CCL22: variants seen among roughly 807,000 people sequenced by gnomAD.
CCL22 encodes the protein C-C motif chemokine 22.
A neutral mutation model predicts 7.6 loss-of-function variants in CCL22; 7 were observed. The ratio of observed to expected loss-of-function variants is 0.92; its 90% CI spans 0.52 to 1.72. The LOEUF (loss-of-function observed/expected upper bound fraction) is 1.72, where lower values mean the gene tolerates loss of function less well. Among genes scored for constraint, CCL22 ranks in the 40% most tolerant of loss-of-function variants. The probability of loss-of-function intolerance (pLI) is 0.00; values close to 1 mark genes in which losing one functional copy is unlikely to be tolerated. For synonymous variants in CCL22, 55 were observed against 47.2 expected (o/e 1.17, Z -0.68); for missense variants, 115 against 124.7 (o/e 0.92, Z 0.37).
In CCL22 at chr16:57,364,762, A is replaced by C. The variant is rs1214526629; in HGVS notation, c.*1174A>C. On this transcript the variant is annotated 3_prime_UTR_variant, in exon 3 of 3. Transcript: ENST00000219235. The stretch of plus-strand genomic sequence containing the variant: ...CCAAAGTGCTGGGATTACAGGCGTG[A>C]GCCACAGTGCCTGGCCTCTTCCCTC... 2.0e-5 allele frequency: 3 copies of C among 148,096 alleles called. No individual in the cohort carries two copies. Among genetic ancestry groups the C allele is most frequent in the Non-Finnish European group, 4.4e-5 (3 of 67,648 alleles). 9.2% of individuals were successfully genotyped at this position (148,096 alleles called of 1,614,324 possible). A position where few individuals can be genotyped will look rare whatever the true frequency, so the allele number is the denominator to read the frequency against.
intron 1 of CCL22, 86 bp from the exon 2 acceptor site, chr16:57,360,351 C>G: frequency 6.6e-7 from 1 of 1,520,960 alleles, no homozygotes; most frequent in Non-Finnish European, 9.0e-7. Flanking sequence ...TTTCCTGGAG[C>G]CTGGAGAGGC....
intron 1 of CCL22, among the ~76,000 whole-genome samples, chr16:57,359,982 C>T (rs1390598379): frequency 6.6e-6 from 1 of 152,118 alleles, no homozygotes; most frequent in African/African-American, 2.4e-5. Flanking sequence ...TTCCTGACTC[C>T]TCTTCTCCAC....
chr16:57,366,133 C>T lies in CCL22; in HGVS notation c.*2545C>T, dbSNP rs1902108765. The T allele has an allele frequency of 1.3e-5, 2 of 152,554 alleles. No individual in the cohort carries two copies. The highest frequency in any genetic ancestry group is 2.9e-5 in the Non-Finnish European group (2 of 68,156). 9.5% of individuals were successfully genotyped at this position (152,554 alleles called of 1,614,324 possible). A position where few individuals can be genotyped will look rare whatever the true frequency, so the allele number is the denominator to read the frequency against. ...CTCAAGCGTCCTGGGATCTCCTTCT[C>T]CCTCCTGTCCTGTCCTTGCCCCTCA... On this transcript the variant is annotated 3_prime_UTR_variant, in exon 3 of 3. Coordinates refer to ENST00000219235, the MANE Select transcript of CCL22 (RefSeq NM_002990.5).
In CCL22 at chr16:57,364,368, C is replaced by T. The variant is rs1274082982; in HGVS notation, c.*780C>T. 6.6e-6 allele frequency: 1 copy of T among 152,196 alleles called. No homozygotes were observed. The highest frequency in any genetic ancestry group is 1.5e-5 in the Non-Finnish European group (1 of 68,072). The allele number at this position is 152,196 out of a possible 1,614,324, so 9.4% of individuals were successfully genotyped here. ...AACTAATGTCCCTCCCCTCTCCCTGCCAAAAGGCAGTTACATATCAATACA... is the reference window on the plus strand; with the variant it reads ...AACTAATGTCCCTCCCCTCTCCCTGTCAAAAGGCAGTTACATATCAATACA... On this transcript the variant is annotated 3_prime_UTR_variant, in exon 3 of 3. Coordinates refer to ENST00000219235, the MANE Select transcript of CCL22 (RefSeq NM_002990.5).
At chr16:57,360,285 G>T in intron 1 of CCL22, 152 bp from the exon 2 acceptor site, 2 of 918,790 alleles carry the variant, frequency 2.2e-6, no homozygotes, top group Non-Finnish European at 3.2e-6. Flanking sequence ...GGTCTTGGAG[G>T]GCTCAGAATC....
At chr16:57,360,138 C>A (rs2146496479) in intron 1 of CCL22, among the ~76,000 whole-genome samples, 1 of 152,302 alleles carries the variant, frequency 6.6e-6, no homozygotes, top group South Asian at 2.1e-4. Flanking sequence ...ACTGTTATTA[C>A]CCCTTTGGTC....
rs1371316917 is a variant in CCL22, at chr16:57,365,559, C to T, written c.*1971C>T. ...AGGAATCCTGGGTAGAGACCATTCTCAGGTGGTTGGGCCAGGCTAAAGACT... is the reference window on the plus strand; with the variant it reads ...AGGAATCCTGGGTAGAGACCATTCTTAGGTGGTTGGGCCAGGCTAAAGACT... On this transcript the variant is annotated 3_prime_UTR_variant, in exon 3 of 3. Transcript: ENST00000219235. 1 of 152,162 alleles carries T rather than the reference C, an allele frequency of 6.6e-6. No homozygotes were observed. Among genetic ancestry groups the T allele is most frequent in the African/African-American group, 2.4e-5 (1 of 41,386 alleles). 9.4% of individuals were successfully genotyped at this position (152,162 alleles called of 1,614,324 possible).
chr16:57,363,367 G>A (rs2146499176), intron 2 of CCL22, 137 bp from the exon 3 acceptor site: 1 of 611,956 alleles, frequency 1.6e-6, no homozygotes, highest in Non-Finnish European at 3.0e-6. Context: ...AGCAGATAAT[G>A]TCATATGTAG....
intron 2 of CCL22, 123 bp downstream of exon 2, chr16:57,360,683 C>A: frequency 8.3e-7 from 1 of 1,198,606 alleles, no homozygotes; most frequent in Non-Finnish European, 1.2e-6. Flanking sequence ...CTACCAGATG[C>A]CTGCCAGGAT....
chr16:57,365,941 C>A lies in CCL22; in HGVS notation c.*2353C>A, dbSNP rs1902105925. On this transcript the variant is annotated 3_prime_UTR_variant, in exon 3 of 3. Coordinates refer to ENST00000219235, the MANE Select transcript of CCL22 (RefSeq NM_002990.5). ...CCTGACAAATCACAGTGAGAATGTT[C>A]ACCTTATAGGCTTGCTGTGGGGCTC... is the stretch of plus-strand genomic sequence containing the variant. The A allele has an allele frequency of 6.6e-6, 1 of 152,258 alleles. No homozygotes were observed. The highest frequency in any genetic ancestry group is 2.4e-5 in the African/African-American group (1 of 41,446). The allele number at this position is 152,258 out of a possible 1,614,324, so 9.4% of individuals were successfully genotyped here. A position where few individuals can be genotyped will look rare whatever the true frequency, so the allele number is the denominator to read the frequency against.
chr16:57,358,635 T>A (rs550493361), upstream of CCL22: 6 of 600,050 alleles, frequency 1.0e-5, no homozygotes, highest in East Asian at 1.1e-4. Context: ...CAAAGAGAAT[T>A]TCTCCACTTT....
rs781221109 is a variant in CCL22, at chr16:57,360,435, A to T, written c.74-2A>T. On this transcript the variant is annotated splice_acceptor_variant, in intron 1 of 2. Transcript: ENST00000219235. LOFTEE classifies it high-confidence loss of function. Reference sequence around the variant, plus strand: ...TGAATTCACTGGGGACCCCTCCCCTAGGCCCCTACGGCGCCAACATGGAAG... The same window carrying T: ...TGAATTCACTGGGGACCCCTCCCCTTGGCCCCTACGGCGCCAACATGGAAG... The T allele has an allele frequency of 8.7e-6, 14 of 1,614,002 alleles. No individual in the cohort carries two copies. In the Admixed American group the frequency reaches 2.2e-4, roughly 25 times the overall value.
At chr16:57,358,761 G>T, upstream of CCL22, 1 of 1,329,190 alleles carries the variant, frequency 7.5e-7, no homozygotes, top group Non-Finnish European at 1.1e-6. Flanking sequence ...ACCTTAAATA[G>T]CAGGTCTTCC....
rs1902080946 is a variant in CCL22, at chr16:57,364,339, A to G, written c.*751A>G. On this transcript the variant is annotated 3_prime_UTR_variant, in exon 3 of 3. Coordinates refer to ENST00000219235, the MANE Select transcript of CCL22 (RefSeq NM_002990.5). The stretch of plus-strand genomic sequence containing the variant: ...CAGAAAGTGGCTGCAGACAAAATCA[A>G]TAAAACTAATGTCCCTCCCCTCTCC... 1.3e-5 allele frequency: 2 copies of G among 152,230 alleles called. No individual in the cohort carries two copies. Among genetic ancestry groups the G allele is most frequent in the African/African-American group, 4.8e-5 (2 of 41,418 alleles). The allele number at this position is 152,230 out of a possible 1,614,324, so 9.4% of individuals were successfully genotyped here. A position where few individuals can be genotyped will look rare whatever the true frequency, so the allele number is the denominator to read the frequency against.
In CCL22 at chr16:57,360,513, G is replaced by T. The variant is rs747105794; in HGVS notation, c.150G>T (p.Val50=). Residue 50 remains valine, a synonymous_variant, in exon 2 of 3, where the codon GTG becomes GTT. Transcript: ENST00000219235. ...YVRYRLPLRV[V]KHFYWTSDSC... ...GTTACCGTCTGCCCCTGCGCGTGGTGAAACACTTCTACTGGACCTCAGACT... is the reference window on the plus strand; with the variant it reads ...GTTACCGTCTGCCCCTGCGCGTGGTTAAACACTTCTACTGGACCTCAGACT... 6.2e-7 allele frequency: 1 copy of T among 1,614,210 alleles called. No individual in the cohort carries two copies. The highest frequency in any genetic ancestry group is 1.7e-5 in the Admixed American group (1 of 60,034).
chr16:57,358,815 G>A lies in CCL22; in HGVS notation c.-2G>A. ...CCTGGGCTGAGACATACAGGACAGA[G>A]CATGGATCGCCTACAGACTGCACTC... On this transcript the variant is annotated 5_prime_UTR_variant, in exon 1 of 3. Transcript: ENST00000219235. The A allele has an allele frequency of 1.9e-6, 3 of 1,612,070 alleles. No individual in the cohort carries two copies. The highest frequency in any genetic ancestry group is 1.1e-5 in the South Asian group (1 of 91,046).
In CCL22 at chr16:57,358,900, G is replaced by C; in HGVS notation, c.73+11G>C. ...AAGCAACTGAGGCAGGTGAGGCTGG[G>C]GAGCAGGAAGACCCCCTACAGAGGC... On this transcript the variant is annotated intron_variant, in intron 1 of 2. Transcript: ENST00000219235. 6.2e-7 allele frequency: 1 copy of C among 1,610,216 alleles called. No homozygotes were observed. Among genetic ancestry groups the C allele is most frequent in the South Asian group, 1.1e-5 (1 of 90,972 alleles).
intron 1 of CCL22, among the ~76,000 whole-genome samples, chr16:57,360,165 C>T (rs1278475740): frequency 3.3e-5 from 5 of 152,214 alleles, no homozygotes; most frequent in Non-Finnish European, 7.3e-5. Flanking sequence ...GGAAATTGGG[C>T]CTCAGGCTAC....
intron 2 of CCL22, among the ~76,000 whole-genome samples, chr16:57,362,791 T>G (rs1477070198): frequency 6.6e-6 from 1 of 151,244 alleles, no homozygotes; most frequent in Non-Finnish European, 1.5e-5. Flanking sequence ...AACCCAGGAG[T>G]TGGAGGTTGC....
Sources: gnomAD v4.1 joint callset for allele counts (sites outside exome capture counted in the v4.1 genomes callset) on GRCh38, gnomAD v4.1.1 for gene constraint, MANE v1.5 for transcripts, NCBI Gene and HGNC (gene_info 2026-07-23, HGNC 2026-07-21) for gene names.